The following PPP2R2C variants were observed in gnomAD, a reference collection of about 807,000 sequenced individuals.
The protein encoded by PPP2R2C is protein phosphatase 2 regulatory subunit Bgamma.
PPP2R2C carries 10 observed loss-of-function variants against 45.3 expected under a neutral mutation model. That is an observed-to-expected ratio of 0.22 (90% CI 0.14 to 0.37). The LOEUF is 0.37. PPP2R2C is among the 10% of genes least tolerant of loss of function. The pLI is 1.00. For missense variants in PPP2R2C, 308 were observed against 619.7 expected, an observed-to-expected ratio of 0.50 and a Z score of 5.34; for synonymous variants, 257 against 245.4, an observed-to-expected ratio of 1.05 and a Z score of -0.44.
At chr4:6,492,079 A>C (rs757390923) in intron 2 of PPP2R2C, among the ~76,000 whole-genome samples, 16 of 152,188 alleles carry the variant, frequency 1.1e-4, no homozygotes, top group Non-Finnish European at 2.2e-4. Context: ...TGCAAGTGAC[A>C]AAAAGCCAGC....
chr4:6,524,330 A>G (rs1724125159), intron 2 of PPP2R2C, among the ~76,000 whole-genome samples: 1 of 152,244 alleles, frequency 6.6e-6, no homozygotes. Flanking sequence ...ATTTCCATGC[A>G]CTGTCCAGAA....
chr4:6,438,442 AC>A (rs370687945), intron 1 of PPP2R2C, among the ~76,000 whole-genome samples: 7 of 152,298 alleles, frequency 4.6e-5, no homozygotes, highest in Admixed American at 1.3e-4. Context: ...AGTTTGGTGG[AC>A]GGGTCTCCCT....
chr4:6,431,590 C>G (rs1025605244), intron 1 of PPP2R2C, among the ~76,000 whole-genome samples: 3 of 152,086 alleles, frequency 2.0e-5, no homozygotes, highest in Admixed American at 6.5e-5. Flanking sequence ...GGTCCAGAGC[C>G]CCCCCTTCCC....
chr4:6,479,182 T>C (rs954285633), intron 2 of PPP2R2C, among the ~76,000 whole-genome samples: 2 of 152,228 alleles, frequency 1.3e-5, no homozygotes, highest in Non-Finnish European at 2.9e-5. Context: ...AGGTCTGTGA[T>C]TCCAGGGCTG....
chr4:6,343,760 C>T (rs1442603278), intron 6 of PPP2R2C, among the ~76,000 whole-genome samples: 1 of 152,102 alleles, frequency 6.6e-6, no homozygotes, highest in African/African-American at 2.4e-5. Flanking sequence ...TAGATTTGCA[C>T]ACAAGTTTTC....
rs947143887 is a variant in PPP2R2C, at chr4:6,345,820, C to G, written c.790+2026G>C. On this transcript the variant is annotated intron_variant, in intron 6 of 8. Coordinates refer to ENST00000382599, the MANE Select transcript of PPP2R2C (RefSeq NM_020416.4). The surrounding 1 kb of genome is among the most constrained non-coding windows in gnomAD (Gnocchi z 5.3). ...ACGCAGCCCCGAGCCCCCTGCACCC[C>G]GGGAATCTCAGCTGGTCTCCAGCCT... 6.6e-6 allele frequency among the ~76,000 whole-genome samples: 1 copy of G among 152,174 alleles called. No individual in the cohort carries two copies. Among genetic ancestry groups the G allele is most frequent in the Admixed American group, 6.5e-5 (1 of 15,282 alleles).
intron 2 of PPP2R2C, among the ~76,000 whole-genome samples, chr4:6,529,838 C>T (rs2108821335): frequency 6.6e-6 from 1 of 152,312 alleles, no homozygotes; most frequent in South Asian, 2.1e-4. Context: ...ACTCACTTCT[C>T]TGCTTGGGAA....
chr4:6,466,908 G>C (rs537133647), intron 1 of PPP2R2C, among the ~76,000 whole-genome samples: 31 of 152,268 alleles, frequency 2.0e-4, no homozygotes, highest in South Asian at 8.3e-4. Flanking sequence ...TTACAGCAGG[G>C]GCGTGGGAGT....
intron 5 of PPP2R2C, among the ~76,000 whole-genome samples, chr4:6,370,212 C>A (rs991678181): frequency 1.3e-5 from 2 of 152,230 alleles, no homozygotes; most frequent in African/African-American, 4.8e-5. Flanking sequence ...TCTGGCTCTG[C>A]CCCTGCCAAC....
upstream of PPP2R2C, among the ~76,000 whole-genome samples, chr4:6,475,177 AGATGGAGATGAACGGGGATGGAGATGGG>A (rs1470223681): frequency 2.0e-5 from 3 of 152,088 alleles, no homozygotes; most frequent in African/African-American, 4.8e-5. Context: ...GCGGGAATGG[AGATGGAGATGAACGGGGATGGAGATGGG>A]GATGGAGATG....
chr4:6,358,331 T>C (rs184305008), intron 5 of PPP2R2C, among the ~76,000 whole-genome samples: 5 of 152,166 alleles, frequency 3.3e-5, no homozygotes, highest in African/African-American at 1.2e-4. Flanking sequence ...ATACAAAAAT[T>C]AATTCAAGAT....
intron 2 of PPP2R2C, among the ~76,000 whole-genome samples, chr4:6,491,308 G>A (rs1269602854): frequency 2.0e-5 from 3 of 152,176 alleles, no homozygotes; most frequent in African/African-American, 7.2e-5. Flanking sequence ...CTGCATGATG[G>A]TGGCACAGGC....
chr4:6,530,532 G>T (rs1056285787), intron 2 of PPP2R2C, among the ~76,000 whole-genome samples: 1 of 144,542 alleles, frequency 6.9e-6, no homozygotes, highest in Admixed American at 6.8e-5. Context: ...GGCTGTGGTC[G>T]CTGGACTGTC....
chr4:6,330,351 G>A lies in PPP2R2C; in HGVS notation c.961-998C>T, dbSNP rs1479554461. ...CCAACGAACACAGAAAATGTGAAGG[G>A]TGGTGTGAACGTCAATTTCGTGTGT... On this transcript the variant is annotated intron_variant, in intron 7 of 8. Coordinates refer to ENST00000382599, the MANE Select transcript of PPP2R2C (RefSeq NM_020416.4). The surrounding 1 kb of genome is among the most constrained non-coding windows in gnomAD (Gnocchi z 7.0). Among the ~76,000 whole-genome samples the A allele has an allele frequency of 6.6e-6, 1 of 152,244 alleles. No homozygotes were observed. Among genetic ancestry groups the A allele is most frequent in the Non-Finnish European group, 1.5e-5 (1 of 68,052 alleles).
At position 6,420,999 on chromosome 4, in the gene PPP2R2C, G is replaced by A. The variant is rs367747056; in HGVS notation, c.71-39905C>T. ...AGAGCTTGGGCAGCTGGTTCTCCTC[G>A]ATGTGCCTGAGGAGGGCTTCGTGGA... On this transcript the variant is annotated intron_variant, in intron 1 of 8. Coordinates refer to ENST00000382599, the MANE Select transcript of PPP2R2C (RefSeq NM_020416.4). 6.9e-5 allele frequency: 68 copies of A among 985,122 alleles called. 1 individual carries two copies. In the East Asian group the frequency reaches 2.4e-3, roughly 34 times the overall value. The allele number at this position is 985,122 out of a possible 1,614,324, so 61.0% of individuals were successfully genotyped here.
intron 2 of PPP2R2C, among the ~76,000 whole-genome samples, chr4:6,484,762 T>A (rs1395003648): frequency 6.6e-6 from 1 of 151,912 alleles, no homozygotes; most frequent in Non-Finnish European, 1.5e-5. Context: ...AAGCTTCTAT[T>A]CTGATTGAGC....
At chr4:6,481,113 T>C (rs982908656) in intron 2 of PPP2R2C, among the ~76,000 whole-genome samples, 14 of 152,254 alleles carry the variant, frequency 9.2e-5, no homozygotes, top group Admixed American at 3.9e-4. Context: ...TCTCTTCTAA[T>C]TTGCTGTTTT....
chr4:6,475,395 G>C (rs201008595), upstream of PPP2R2C, among the ~76,000 whole-genome samples: 3 of 152,264 alleles, frequency 2.0e-5, no homozygotes, highest in South Asian at 6.2e-4. Context: ...TCCTCACTCC[G>C]TGTCCCTTCA....
chr4:6,532,029 C>T (rs1233905315), intron 2 of PPP2R2C, among the ~76,000 whole-genome samples: 2 of 152,214 alleles, frequency 1.3e-5, no homozygotes, highest in African/African-American at 4.8e-5. Flanking sequence ...GGATCCAGTG[C>T]TTTGCAAAGG....
Sources: gnomAD v4.1 joint callset for allele counts (sites outside exome capture counted in the v4.1 genomes callset) on GRCh38, gnomAD v4.1.1 for gene constraint, Gnocchi (gnomAD v3.1) non-coding constraint, MANE v1.5 for transcripts, NCBI Gene and HGNC (gene_info 2026-07-23, HGNC 2026-07-21) for gene names.